The following ABL1 variants were observed in gnomAD, a reference collection of about 807,000 sequenced individuals.
The protein encoded by ABL1 is ABL proto-oncogene 1, non-receptor tyrosine kinase.
In ABL1, 11 loss-of-function variants were observed where a neutral mutation model predicts 94.7. The observed-to-expected ratio is 0.12, with a 90% confidence interval of 0.07 to 0.19. The LOEUF (loss-of-function observed/expected upper bound fraction) is 0.19. Among genes scored for constraint, ABL1 ranks in the 10% least tolerant of loss-of-function variants. The pLI is 1.00. For missense variants in ABL1, 1,082 were observed against 1,489.4 expected (o/e 0.73, Z 4.50); for synonymous variants, 656 against 622.4 (o/e 1.05, Z -0.80).
chr9:130,783,954 C>T, intron 1 of ABL1, among the ~76,000 whole-genome samples: 1 of 152,102 alleles, frequency 6.6e-6, no homozygotes, highest in East Asian at 1.9e-4. Flanking sequence ...CAGCACCCAG[C>T]TTGTGCATGT....
intron 1 of ABL1, among the ~76,000 whole-genome samples, chr9:130,719,257 G>T (rs984772601): frequency 2.0e-5 from 3 of 152,072 alleles, no homozygotes; most frequent in Non-Finnish European, 4.4e-5. Flanking sequence ...GGCCAGGCAC[G>T]GTGGCTCATG....
At chr9:130,856,436 A>G (rs986997991) in intron 3 of ABL1, among the ~76,000 whole-genome samples, 1 of 152,180 alleles carries the variant, frequency 6.6e-6, no homozygotes, top group Non-Finnish European at 1.5e-5. Flanking sequence ...CGCCCAGGCT[A>G]GTCTCAAACT....
upstream of ABL1, among the ~76,000 whole-genome samples, chr9:130,831,689 A>G (rs1032943785): frequency 2.0e-5 from 3 of 151,300 alleles, no homozygotes; most frequent in Non-Finnish European, 3.0e-5. Context: ...GCACACTGCA[A>G]CCTCCACCTC....
rs770884302 is a variant in ABL1, at chr9:130,854,913, G to A, written c.366G>A (p.Leu122=). The A allele has an allele frequency of 4.3e-5, 69 of 1,614,098 alleles. No individual in the cohort carries two copies. The highest frequency in any genetic ancestry group is 5.8e-5 in the Non-Finnish European group (68 of 1,180,040). Residue 122 remains leucine (L), a synonymous_variant, in exon 3 of 11, where the codon CTG becomes CTA. Coordinates refer to ENST00000318560, the MANE Select transcript of ABL1 (RefSeq NM_005157.6). ...PSNYITPVNS[L]EKHSWYHGPV... ...ACTACATCACGCCAGTCAACAGTCT[G>A]GAGAAACACTCCTGGTACCATGGGC...
rs369604249 is a variant in ABL1 at position 130,870,348 on chromosome 9, G to A, written c.823-1781G>A. Among the ~76,000 whole-genome samples the A allele has an allele frequency of 1.1e-4, 16 of 152,270 alleles. No individual in the cohort carries two copies. In the East Asian group the frequency reaches 2.7e-3, roughly 26 times the overall value. On this transcript the variant is annotated intron_variant, in intron 4 of 10. Coordinates refer to ENST00000318560, the MANE Select transcript of ABL1 (RefSeq NM_005157.6). The stretch of plus-strand genomic sequence containing the variant: ...TGGGTCTTTTAGAAGAGGGTCAGTA[G>A]CTATAAAAGCAAATGATATTTATGA...
intron 1 of ABL1, among the ~76,000 whole-genome samples, chr9:130,802,753 A>G (rs2132834098): frequency 6.6e-6 from 1 of 152,280 alleles, no homozygotes; most frequent in East Asian, 1.9e-4. Context: ...GCTTCTTTGT[A>G]TGGTGGGTAG....
At position 130,884,627 on chromosome 9, in the gene ABL1, A is replaced by C. The variant is rs781674900; in HGVS notation, c.2337A>C (p.Thr779=). Reference sequence around the variant, plus strand: ...GGTCTGACCAGGTGACCCGAGGCACAGTAACGCCTCCCCCCAGGCTGGTGA... The same window carrying C: ...GGTCTGACCAGGTGACCCGAGGCACCGTAACGCCTCCCCCCAGGCTGGTGA... The part of the protein sequence containing the change: ...ENRSDQVTRG[T]VTPPPRLVKK... Residue 779 remains threonine, a synonymous_variant, in exon 11 of 11, where the codon ACA becomes ACC. Transcript: ENST00000318560. This position sits in a 1 kb window ranked among gnomAD's most constrained non-coding sequence, Gnocchi z 5.6. The C allele has an allele frequency of 3.0e-5, 48 of 1,613,282 alleles. No homozygotes were observed. Among genetic ancestry groups the C allele is most frequent in the Non-Finnish European group, 3.5e-5 (41 of 1,180,026 alleles).
intron 1 of ABL1, among the ~76,000 whole-genome samples, chr9:130,763,897 C>T (rs1832148336): frequency 1.3e-5 from 2 of 152,176 alleles, no homozygotes; most frequent in African/African-American, 2.4e-5. Context: ...CCACTCGCTG[C>T]CTGTAAAATG....
chr9:130,793,554 T>C (rs1274531824), intron 1 of ABL1, among the ~76,000 whole-genome samples: 5 of 152,240 alleles, frequency 3.3e-5, no homozygotes, highest in Non-Finnish European at 5.9e-5. Context: ...GAGAAATAAC[T>C]AGAGTCTGTG....
intron 1 of ABL1, among the ~76,000 whole-genome samples, chr9:130,807,128 C>T (rs544757553): frequency 1.3e-5 from 2 of 151,970 alleles, no homozygotes; most frequent in Admixed American, 6.6e-5. Context: ...CCAGCTGGGG[C>T]GACAGAGTGA....
At chr9:130,827,323 A>C (rs1042183857) in intron 1 of ABL1, among the ~76,000 whole-genome samples, 1 of 152,206 alleles carries the variant, frequency 6.6e-6, no homozygotes, top group African/African-American at 2.4e-5. Flanking sequence ...CCTAGAGAAA[A>C]GCCCTACAGA....
chr9:130,732,399 ATCT>A (rs1416449537), intron 1 of ABL1, among the ~76,000 whole-genome samples: 1 of 152,094 alleles, frequency 6.6e-6, no homozygotes, highest in East Asian at 1.9e-4. Flanking sequence ...ACTCAACCTG[ATCT>A]TCTTTGTTAA....
chr9:130,759,963 A>ATTT (rs34154339), intron 1 of ABL1, among the ~76,000 whole-genome samples: 10 of 93,026 alleles, frequency 1.1e-4, no homozygotes, highest in African/African-American at 3.3e-4. Flanking sequence ...AGGTAATTTA[A>ATTT]TTTTTTTTTT....
rs577117598 is a variant in ABL1, at chr9:130,825,109, C to T, written c.137-28955C>T. On this transcript the variant is annotated intron_variant, in intron 1 of 10. Transcript: ENST00000372348. ...AGAACTTTGCTGTCATGGGGTACAG[C>T]TCTAGGCTGCTGACAGGATCTTCAT... is the stretch of plus-strand genomic sequence containing the variant. Among the ~76,000 whole-genome samples, 20 of 152,294 alleles carry T rather than the reference C, an allele frequency of 1.3e-4. No individual in the cohort carries two copies. The South Asian group carries it at 3.9e-3, about 30-fold the overall frequency.
chr9:130,764,885 G>A (rs1408051154), intron 1 of ABL1, among the ~76,000 whole-genome samples: 1 of 152,024 alleles, frequency 6.6e-6, no homozygotes, highest in Non-Finnish European at 1.5e-5. Flanking sequence ...GAACCTGGGA[G>A]GTGGAGGTTG....
At chr9:130,860,130 C>G (rs1047044469) in intron 3 of ABL1, among the ~76,000 whole-genome samples, 1 of 152,156 alleles carries the variant, frequency 6.6e-6, no homozygotes, top group African/African-American at 2.4e-5. Flanking sequence ...ACTTTCTTCC[C>G]TGAACATGCC....
chr9:130,735,946 TATATATATA>T (rs1170483092), intron 1 of ABL1, among the ~76,000 whole-genome samples: 2 of 80,468 alleles, frequency 2.5e-5, no homozygotes, highest in African/African-American at 2.0e-4. Flanking sequence ...TATATATATA[TATATATATA>T]TATATATTTT....
In ABL1 at chr9:130,873,057, G is replaced by T. The variant is rs1302820032; in HGVS notation, c.1085+20G>T. ...CCACAGGTAGGGGCCTGGCCAGGCA[G>T]CCTGCGCCATGGAGTCACAGGGCGT... On this transcript the variant is annotated intron_variant, in intron 6 of 10. Coordinates refer to ENST00000318560, the MANE Select transcript of ABL1 (RefSeq NM_005157.6). 1 of 1,608,118 alleles carries T rather than the reference G, an allele frequency of 6.2e-7. No individual in the cohort carries two copies. Among genetic ancestry groups the T allele is most frequent in the South Asian group, 1.1e-5 (1 of 90,640 alleles).
chr9:130,752,331 A>T (rs897849305), intron 1 of ABL1, among the ~76,000 whole-genome samples: 1 of 152,128 alleles, frequency 6.6e-6, no homozygotes, highest in African/African-American at 2.4e-5. Context: ...TTCTGAGGAT[A>T]CTTTTATGGA....
Sources: allele counts gnomAD v4.1 joint callset (sites outside exome capture counted in the v4.1 genomes callset), GRCh38; gene constraint gnomAD v4.1.1; non-coding constraint Gnocchi (gnomAD v3.1); transcripts MANE v1.5; gene names NCBI Gene and HGNC (gene_info 2026-07-23, HGNC 2026-07-21).